DNAH10: variants seen among roughly 807,000 people sequenced by gnomAD.
DNAH10 encodes dynein axonemal heavy chain 10, also known as axonemal beta dynein heavy chain 10.
In DNAH10, 348 loss-of-function variants were observed where a neutral mutation model predicts 506.6. The observed-to-expected ratio is 0.69, with a 90% confidence interval of 0.63 to 0.75. DNAH10 has a LOEUF of 0.75. Ranked by LOEUF, DNAH10 falls within the 30% of genes least tolerant of loss-of-function variation. The pLI, the probability that DNAH10 is intolerant of heterozygous loss-of-function variation, is 0.00. For missense variants in DNAH10, 5,179 were observed against 5,787.1 expected, an observed-to-expected ratio of 0.89 and a Z score of 3.41; for synonymous variants, 2,059 against 2,198.6, an observed-to-expected ratio of 0.94 and a Z score of 1.78.
At chr12:123,780,985 T>A in intron 5 of DNAH10, 95 bp from the exon 6 acceptor site, 2 of 822,926 alleles carry the variant, frequency 2.4e-6, no homozygotes, top group South Asian at 2.3e-5. Flanking sequence ...CCAGAGGCAA[T>A]TTGAATAAAG....
intron 11 of DNAH10, among the ~76,000 whole-genome samples, chr12:123,792,852 G>C (rs11057360): frequency 1.3e-5 from 2 of 152,110 alleles, no homozygotes; most frequent in Admixed American, 1.3e-4. Context: ...CAATTTTCTA[G>C]ATCTCACCTC....
In DNAH10 at chr12:123,870,522, AGT is replaced by A. The variant is rs760824591; in HGVS notation, c.7639+43_7639+44del. The A allele has an allele frequency of 5.0e-6, 8 of 1,602,810 alleles. No homozygotes were observed. The African/African-American group carries it at 1.1e-4, about 22-fold the overall frequency. On this transcript the variant is annotated intron_variant, in intron 44 of 78. Coordinates refer to ENST00000673944, the MANE Select transcript of DNAH10 (RefSeq NM_001372106.1). ...TCAAATCCTTGTTCCTGGGTTTAGG[AGT>A]GTGTGATACTCGCTCTAGGAGGAGG...
chr12:123,804,707 G>A, intron 17 of DNAH10, 126 bp from the exon 18 acceptor site: 1 of 803,936 alleles, frequency 1.2e-6, no homozygotes, highest in South Asian at 1.7e-5. Context: ...CTTATGTTCT[G>A]CTTTGGGCTG....
At chr12:123,848,590 A>T in intron 33 of DNAH10, 140 bp from the exon 34 acceptor site, 1 of 1,195,818 alleles carries the variant, frequency 8.4e-7, no homozygotes, top group Non-Finnish European at 1.2e-6. Context: ...AAAATCCACT[A>T]GTCAAGTGGC....
chr12:123,909,335 T>C lies in DNAH10; in HGVS notation c.9890T>C (p.Leu3297Pro), dbSNP rs766214259. The change falls in exon 58 of 79, where the codon CTG becomes CCG. Residue 3297 changes from leucine to proline, a missense_variant. Leu to Pro is a moderately conservative substitution (Grantham distance 98). Around this residue, in one of 3 missense-constraint regions of DNAH10, gnomAD observed 4,844 missense variants for 5,430.5 expected, o/e 0.89. Transcript: ENST00000673944. The surrounding 1 kb of genome is among the most constrained non-coding windows in gnomAD (Gnocchi z 5.4). Reference protein sequence around the residue: ...CILIMKGYKELNWKTAKGVMS... With the variant: ...CILIMKGYKEPNWKTAKGVMS... Reference sequence around the variant, plus strand: ...CTCATCATGAAAGGGTACAAAGAGCTGAACTGGAAAACAGCCAAGGGCGTG... The same window carrying C: ...CTCATCATGAAAGGGTACAAAGAGCCGAACTGGAAAACAGCCAAGGGCGTG... 19 of 1,613,174 alleles carry C rather than the reference T, an allele frequency of 1.2e-5. No individual in the cohort carries two copies. The highest frequency in any genetic ancestry group is 4.0e-5 in the African/African-American group (3 of 74,922).
At chr12:123,910,434 G>C in intron 58 of DNAH10, 102 bp from the exon 59 acceptor site, 1 of 1,435,590 alleles carries the variant, frequency 7.0e-7, no homozygotes. Context: ...TCTGCTCACA[G>C]GGCCACTGAA....
At chr12:123,870,259 G>T in intron 43 of DNAH10, 107 bp from the exon 44 acceptor site, 2 of 1,435,802 alleles carry the variant, frequency 1.4e-6, no homozygotes, top group Admixed American at 4.3e-5. Flanking sequence ...ACTCACTATG[G>T]CCTCCGTGCA....
rs1358862848 is a variant in DNAH10 at position 123,846,062 on chromosome 12, G to A, written c.5722G>A (p.Gly1908Arg). 1 of 1,613,902 alleles carries A rather than the reference G, an allele frequency of 6.2e-7. No individual in the cohort carries two copies. Among genetic ancestry groups the A allele is most frequent in the Admixed American group, 1.7e-5 (1 of 60,004 alleles). ...TGAGCTGAACATCCGCCAGTGCACG[G>A]GAACCTTTGGCTACGGCTACGAGTA... ...PDELNIRQCT[G>R]TFGYGYEYMG... Residue 1908 changes from glycine to arginine, a missense_variant, in exon 32 of 79, where the codon GGA becomes AGA. By Grantham distance (125) the Gly-to-Arg change is moderately radical. Coordinates refer to ENST00000673944, the MANE Select transcript of DNAH10 (RefSeq NM_001372106.1). This position sits in a 1 kb window ranked among gnomAD's most constrained non-coding sequence, Gnocchi z 4.5.
intron 70 of DNAH10, 27 bp from the exon 71 acceptor site, chr12:123,929,248 C>T: frequency 1.3e-6 from 2 of 1,563,554 alleles, no homozygotes; most frequent in Non-Finnish European, 1.7e-6. Context: ...CGGTCTCCAT[C>T]ACTGTGTGTT....
intron 37 of DNAH10, among the ~76,000 whole-genome samples, chr12:123,858,243 T>A (rs987810219): frequency 3.7e-4 from 56 of 152,174 alleles, no homozygotes; most frequent in African/African-American, 1.3e-3. Flanking sequence ...GTAAGTTGTA[T>A]ATGTTGTCAT....
At chr12:123,891,462 G>T (rs1408278661) in intron 52 of DNAH10, among the ~76,000 whole-genome samples, 1 of 152,194 alleles carries the variant, frequency 6.6e-6, no homozygotes, top group Non-Finnish European at 1.5e-5. Flanking sequence ...CTAGGGTGGG[G>T]ACGTCAATTT....
chr12:123,875,948 C>T (rs1373799732), intron 47 of DNAH10, among the ~76,000 whole-genome samples: 1 of 152,182 alleles, frequency 6.6e-6, no homozygotes, highest in African/African-American at 2.4e-5. Context: ...GAGAGAAATG[C>T]GTGTAAAGGG....
rs1959310334 is a variant in DNAH10, at chr12:123,820,752, A to G, written c.4173A>G (p.Gly1391=). The G allele has an allele frequency of 6.2e-7, 1 of 1,613,932 alleles. No homozygotes were observed. The highest frequency in any genetic ancestry group is 8.5e-7 in the Non-Finnish European group (1 of 1,179,844). Residue 1391 remains glycine, a synonymous_variant, in exon 24 of 79, where the codon GGA becomes GGG. Transcript: ENST00000673944. The part of the protein sequence containing the change: ...GLRMIYELYE[G]LKVAKEEWSQ... ...GGATGATTTACGAGCTCTATGAAGG[A>G]CTAAAGGTGAGCATCTCCCTGAAAG...
intron 52 of DNAH10, among the ~76,000 whole-genome samples, chr12:123,891,867 A>G (rs1414384824): frequency 6.6e-6 from 1 of 152,170 alleles, no homozygotes; most frequent in Non-Finnish European, 1.5e-5. Flanking sequence ...GGGGGACCCT[A>G]GGGAAGACCA....
rs201058435 is a variant in DNAH10 at position 123,902,944 on chromosome 12, G to T, written c.9646G>T (p.Glu3216Ter). 10 of 1,584,034 alleles carry T rather than the reference G, an allele frequency of 6.3e-6. No homozygotes were observed. Among genetic ancestry groups the T allele is most frequent in the Non-Finnish European group, 7.7e-6 (9 of 1,165,648 alleles). ...CCCCCTGTCCTACCCTGCAGCCGAG[G>T]AGAAGAAGAAACTGGCAGAGGAAAA... The part of the protein sequence containing the change: ...EIAVNTAVAE[E>*]KKKLAEEKAM... Residue 3216 changes from glutamate to a stop codon, truncating the protein, a stop_gained, in exon 57 of 79, where the codon GAG (glutamate) becomes TAG (stop). Coordinates refer to ENST00000673944, the MANE Select transcript of DNAH10 (RefSeq NM_001372106.1). LOFTEE classifies it high-confidence loss of function. The surrounding 1 kb of genome is among the most constrained non-coding windows in gnomAD (Gnocchi z 4.5).
chr12:123,872,505 G>T (rs1178019721), intron 45 of DNAH10, among the ~76,000 whole-genome samples: 1 of 152,164 alleles, frequency 6.6e-6, no homozygotes, highest in Non-Finnish European at 1.5e-5. Context: ...CTTTAGCAAG[G>T]TACACATTCA....
rs780310767 is a variant in DNAH10 at position 123,784,056 on chromosome 12, TCAAGGAATC to T, written c.1111_1119del (p.Lys371_Ser373del). On this transcript the variant is annotated inframe_deletion, in exon 8 of 79. Transcript: ENST00000673944. ...ATAGTCAGAAAAGTCTTGGATGTGA[TCAAGGAATC>T]CGACTCCATGCTTGTGGCTAATCTG... is the stretch of plus-strand genomic sequence containing the variant. The T allele has an allele frequency of 5.9e-5, 96 of 1,614,200 alleles. No individual in the cohort carries two copies. The highest frequency in any genetic ancestry group is 1.6e-4 in the Middle Eastern group (1 of 6,062).
chr12:123,908,270 C>G (rs538138010), intron 57 of DNAH10: 15 of 450,688 alleles, frequency 3.3e-5, no homozygotes, highest in South Asian at 2.2e-4. Context: ...GTCTCCCTGT[C>G]TCTGTTCTTG....
Position 123,926,396 on chromosome 12 carries a change from A to G in DNAH10, c.11922-241A>G. The G allele has an allele frequency of 2.0e-6, 1 of 493,208 alleles. No homozygotes were observed. The highest frequency in any genetic ancestry group is 3.5e-6 in the Non-Finnish European group (1 of 285,622). The allele number at this position is 493,208 out of a possible 1,614,324, so 30.6% of individuals were successfully genotyped here. ...CAAGCTGAGGTGCCCAGCTCAGCAC[A>G]AACCAACTGAATCGAGTGTGAGGGG... On this transcript the variant is annotated intron_variant, in intron 68 of 78. Transcript: ENST00000673944. The surrounding 1 kb of genome is among the most constrained non-coding windows in gnomAD (Gnocchi z 4.1).
Sources: gnomAD v4.1 joint callset for allele counts (sites outside exome capture counted in the v4.1 genomes callset) on GRCh38, gnomAD v4.1.1 for gene constraint, gnomAD v4.1.1 regional missense constraint, Gnocchi (gnomAD v3.1) non-coding constraint, MANE v1.5 for transcripts, NCBI Gene and HGNC (gene_info 2026-07-23, HGNC 2026-07-21) for gene names.